Variants in ADGRV1 observed in about 807,000 individuals in gnomAD.
The protein encoded by ADGRV1 is adhesion G protein-coupled receptor V1, also known as G-protein coupled receptor 98.
In ADGRV1, 359 loss-of-function variants were observed where a neutral mutation model predicts 596.2. The ratio of observed to expected loss-of-function variants is 0.60; its 90% confidence interval spans 0.55 to 0.66. The LOEUF (loss-of-function observed/expected upper bound fraction) is 0.66. Among genes scored for constraint, ADGRV1 ranks in the 30% least tolerant of loss-of-function variants. The probability of loss-of-function intolerance (pLI) is 0.00; values close to 1 mark genes in which losing one functional copy is unlikely to be tolerated. For missense variants in ADGRV1, 7,274 were observed against 7,575.6 expected, an observed-to-expected ratio of 0.96 and a Z score of 1.48; for synonymous variants, 2,681 against 2,679.2, an observed-to-expected ratio of 1.00 and a Z score of -0.02.
chr5:90,816,404 A>AT (rs984759467), intron 75 of ADGRV1, among the ~76,000 whole-genome samples: 1 of 149,786 alleles, frequency 6.7e-6, no homozygotes, highest in Admixed American at 6.7e-5. Flanking sequence ...ATAATTTAAG[A>AT]TTTTTTAAAT....
chr5:90,961,048 G>A (rs1777961171), intron 83 of ADGRV1, among the ~76,000 whole-genome samples: 5 of 152,048 alleles, frequency 3.3e-5, no homozygotes, highest in Non-Finnish European at 7.4e-5. Flanking sequence ...TGTATCATGT[G>A]TCTAGCTTCA....
At chr5:90,706,041 T>C (rs1032104420) in intron 37 of ADGRV1, among the ~76,000 whole-genome samples, 190 bp from the exon 38 acceptor site, 6 of 152,112 alleles carry the variant, frequency 3.9e-5, no homozygotes, top group African/African-American at 1.4e-4. Flanking sequence ...CAGGGAAATA[T>C]GCTTTTCCCA....
At chr5:90,773,491 T>C (rs1757907991) in intron 59 of ADGRV1, among the ~76,000 whole-genome samples, 1 of 151,782 alleles carries the variant, frequency 6.6e-6, no homozygotes, top group African/African-American at 2.4e-5. Context: ...TGAGAAACAA[T>C]GTACTATGAG....
chr5:90,775,845 G>C (rs1758168087), intron 60 of ADGRV1, among the ~76,000 whole-genome samples: 1 of 152,060 alleles, frequency 6.6e-6, no homozygotes, highest in Non-Finnish European at 1.5e-5. Context: ...TTAATCCATT[G>C]CCAAAGAAAG....
intron 33 of ADGRV1, 100 bp from the exon 34 acceptor site, chr5:90,696,837 T>G: frequency 1.3e-6 from 1 of 784,784 alleles, no homozygotes; most frequent in Non-Finnish European, 2.0e-6. Context: ...ACTCATATTT[T>G]TATTTAACTT....
At chr5:91,056,682 G>T (rs1344926962) in intron 85 of ADGRV1, among the ~76,000 whole-genome samples, 1 of 152,012 alleles carries the variant, frequency 6.6e-6, no homozygotes, top group African/African-American at 2.4e-5. Context: ...GCTCTCACTT[G>T]GTCATTGTCA....
chr5:90,681,324 G>T lies in ADGRV1; in HGVS notation c.5534G>T (p.Gly1845Val). 6.2e-7 allele frequency: 1 copy of T among 1,613,696 alleles called. No homozygotes were observed. The highest frequency in any genetic ancestry group is 8.5e-7 in the Non-Finnish European group (1 of 1,179,762). ...GAACTTGTTCATGCAGCCAGTCTAG[G>T]AGTGGCTTCCCAAATTCTAGTGACA... is the stretch of plus-strand genomic sequence containing the variant. ...LPTIHKRASL[G>V]VASQILVTIA... Residue 1845 changes from glycine (G) to valine (V), a missense_variant, in exon 27 of 90, where the codon GGA (glycine) becomes GTA (valine). By Grantham distance (109) the Gly-to-Val change is moderately radical. Coordinates refer to ENST00000405460, the MANE Select transcript of ADGRV1 (RefSeq NM_032119.4).
chr5:91,147,385 T>G (rs1011759124), intron 87 of ADGRV1, among the ~76,000 whole-genome samples: 6 of 152,180 alleles, frequency 3.9e-5, no homozygotes, highest in African/African-American at 4.8e-5. Flanking sequence ...TTTGGTTCTA[T>G]GTCCCCACCC....
intron 60 of ADGRV1, among the ~76,000 whole-genome samples, chr5:90,775,763 C>A (rs1439508871): frequency 2.6e-5 from 4 of 152,128 alleles, no homozygotes; most frequent in African/African-American, 9.7e-5. Context: ...CAGGTATGAT[C>A]CACTGCACCT....
intron 85 of ADGRV1, among the ~76,000 whole-genome samples, chr5:90,989,916 A>T (rs540165232): frequency 8.5e-5 from 13 of 152,276 alleles, no homozygotes; most frequent in African/African-American, 3.1e-4. Flanking sequence ...TCCCAGGTTC[A>T]AGTGATTCTC....
At chr5:90,713,597 A>T (rs1305837906) in intron 42 of ADGRV1, among the ~76,000 whole-genome samples, 2 of 152,172 alleles carry the variant, frequency 1.3e-5, no homozygotes, top group African/African-American at 4.8e-5. Context: ...GCAGGACTTA[A>T]TGCTGCCAGA....
In ADGRV1 at chr5:90,965,463, A is replaced by G. The variant is rs772001705; in HGVS notation, c.17905A>G (p.Ser5969Gly). 5 of 1,613,698 alleles carry G rather than the reference A, an allele frequency of 3.1e-6. No individual in the cohort carries two copies. Among genetic ancestry groups the G allele is most frequent in the Non-Finnish European group, 4.2e-6 (5 of 1,179,786 alleles). The change falls in exon 84 of 90, where the codon AGC (serine) becomes GGC (glycine). Residue 5969 changes from serine (S) to glycine (G), a missense_variant. Transcript: ENST00000405460. The stretch of plus-strand genomic sequence containing the variant: ...CGCAAGTCCCCAACTCGCTGAGGAG[A>G]GCTGTTCAGCTATGGCTGCTGTCAC... ...AYASPQLAEE[S>G]CSAMAAVTHY... is the part of the protein sequence containing the mutation.
intron 41 of ADGRV1, among the ~76,000 whole-genome samples, chr5:90,711,668 C>G (rs1244097897): frequency 6.6e-6 from 1 of 152,094 alleles, no homozygotes; most frequent in African/African-American, 2.4e-5. Flanking sequence ...AATTTTAACT[C>G]TTTCATTTCT....
intron 85 of ADGRV1, among the ~76,000 whole-genome samples, chr5:90,987,469 C>CAA (rs11442398): frequency 0.04 from 3,799 of 94,768 alleles, 91 homozygotes; most frequent in African/African-American, 0.057. Flanking sequence ...GACTCTGACT[C>CAA]AAAAAAAAAA....
chr5:90,726,120 T>C (rs1212223911), intron 48 of ADGRV1, among the ~76,000 whole-genome samples: 1 of 152,196 alleles, frequency 6.6e-6, no homozygotes, highest in South Asian at 2.1e-4. Context: ...TTCAGCTAAT[T>C]CCCTTGTTGA....
intron 85 of ADGRV1, among the ~76,000 whole-genome samples, chr5:91,042,599 A>C (rs749201064): frequency 2.0e-5 from 3 of 152,112 alleles, no homozygotes; most frequent in Non-Finnish European, 4.4e-5. Context: ...GGTTTGTTAC[A>C]TAGGTGTACA....
chr5:91,096,584 G>A (rs1790887158), intron 86 of ADGRV1, among the ~76,000 whole-genome samples: 1 of 151,976 alleles, frequency 6.6e-6, no homozygotes, highest in Non-Finnish European at 1.5e-5. Flanking sequence ...GTGACTCCTT[G>A]TTAATTTAAG....
intron 83 of ADGRV1, among the ~76,000 whole-genome samples, chr5:90,923,802 C>T (rs1382326155): frequency 6.6e-6 from 1 of 151,010 alleles, no homozygotes; most frequent in Non-Finnish European, 1.5e-5. Context: ...CACCACAGTC[C>T]CCAGAGTGTG....
chr5:90,670,799 T>C (rs1169542727), intron 21 of ADGRV1, among the ~76,000 whole-genome samples: 3 of 152,218 alleles, frequency 2.0e-5, no homozygotes, highest in Non-Finnish European at 4.4e-5. Flanking sequence ...AACCAGACTT[T>C]ATCACTCCAA....
Sources: allele counts gnomAD v4.1 joint callset (sites outside exome capture counted in the v4.1 genomes callset), GRCh38; gene constraint gnomAD v4.1.1; transcripts MANE v1.5; gene names NCBI Gene and HGNC (gene_info 2026-07-23, HGNC 2026-07-21).